Variants in FAM53A observed in about 807,000 individuals in gnomAD.
FAM53A encodes the protein family with sequence similarity 53 member A, also known as protein FAM53A.
A neutral mutation model predicts 26.6 loss-of-function variants in FAM53A; 28 were observed. The ratio of observed to expected loss-of-function variants is 1.05; its 90% CI spans 0.78 to 1.45. The LOEUF is 1.45. Ranked by LOEUF, FAM53A falls within the 40% of genes most tolerant of loss-of-function variation. The pLI is 0.00. For synonymous variants in FAM53A, 290 were observed against 253.1 expected, an observed-to-expected ratio of 1.15 and a Z score of -1.38; for missense variants, 650 against 575.8, an observed-to-expected ratio of 1.13 and a Z score of -1.32.
At chr4:1,582,172 G>A in the FAM53A span, among the ~76,000 whole-genome samples, 56 of 152,342 alleles carry the variant, frequency 3.7e-4, no homozygotes, top group African/African-American at 1.2e-3. Flanking sequence ...GCAAGGAGAC[G>A]CCATTCTCAT....
chr4:1,658,961 G>A (rs2108936209), intron 2 of FAM53A, among the ~76,000 whole-genome samples: 1 of 152,378 alleles, frequency 6.6e-6, no homozygotes, highest in Middle Eastern at 3.4e-3. Flanking sequence ...CCACACCTCA[G>A]AACCTCTCAG....
the FAM53A span, among the ~76,000 whole-genome samples, chr4:1,587,152 T>G: frequency 2.0e-5 from 3 of 152,254 alleles, no homozygotes; most frequent in Admixed American, 1.3e-4. Context: ...CCTCATCAGA[T>G]GGGCAGTTTA....
intron 2 of FAM53A, among the ~76,000 whole-genome samples, chr4:1,666,345 C>T (rs1430881832): frequency 6.9e-5 from 10 of 145,674 alleles, no homozygotes; most frequent in African/African-American, 2.3e-4. Flanking sequence ...CCTGCACCTG[C>T]ACCCCCTGTA....
chr4:1,607,271 G>A, the FAM53A span, among the ~76,000 whole-genome samples: 5 of 151,532 alleles, frequency 3.3e-5, no homozygotes, highest in African/African-American at 4.8e-5. Flanking sequence ...CGCCTGCCTC[G>A]GCCTCCCAAA....
rs1366479606 is a variant in FAM53A, at chr4:1,618,172, C to T, written c.432-61G>A. 4 of 456,160 alleles carry T rather than the reference C, an allele frequency of 8.8e-6. No homozygotes were observed. In the Admixed American group the frequency reaches 9.4e-5, roughly 11 times the overall value. 28.3% of individuals were successfully genotyped at this position (456,160 alleles called of 1,614,324 possible). ...TTGGGGAAGAAGTAGAACCAGAAGA[C>T]AGGGCACGTGCTGCCTCGCAGAGAC... On this transcript the variant is annotated intron_variant, in intron 1 of 1. Coordinates refer to the FAM53A transcript ENST00000489029.
chr4:1,655,237 C>A lies in FAM53A; in HGVS notation c.623G>T (p.Trp208Leu). 1 of 1,515,892 alleles carries A rather than the reference C, an allele frequency of 6.6e-7. No homozygotes were observed. Among genetic ancestry groups the A allele is most frequent in the Non-Finnish European group, 8.8e-7 (1 of 1,142,746 alleles). The allele number at this position is 1,515,892 out of a possible 1,614,324, so 93.9% of individuals were successfully genotyped here. ...SEGSAGSGPLWCSAESCLPST... is the reference protein window; with the variant it reads ...SEGSAGSGPLLCSAESCLPST... ...GGGCAAGCAGGACTCCGCGGAACAC[C>A]AGAGCGGGCCTGAGCCCGCACTGCC... is the stretch of plus-strand genomic sequence containing the variant. The change falls in exon 4 of 5, where the codon TGG becomes TTG. Residue 208 changes from tryptophan (W) to leucine (L), a missense_variant. Physicochemically the swap from Trp to Leu is moderately conservative, Grantham distance 61. Transcript: ENST00000308132.
chr4:1,641,742 C>A (rs1711741331), intron 4 of FAM53A, 135 bp from the exon 5 acceptor site: 2 of 835,538 alleles, frequency 2.4e-6, no homozygotes, highest in Non-Finnish European at 3.9e-6. Flanking sequence ...GGGCCTTGGT[C>A]CCCTGTACAC....
chr4:1,583,118 T>C, the FAM53A span, among the ~76,000 whole-genome samples: 2 of 152,136 alleles, frequency 1.3e-5, no homozygotes, highest in African/African-American at 4.8e-5. Context: ...TCCTGGGAGA[T>C]GGCAAAGGGA....
At chr4:1,664,595 A>G (rs1047897219) in intron 2 of FAM53A, among the ~76,000 whole-genome samples, 4 of 152,256 alleles carry the variant, frequency 2.6e-5, no homozygotes, top group African/African-American at 9.6e-5. Flanking sequence ...TTCAGTTGAC[A>G]TGGGAGAGCT....
At chr4:1,665,411 C>G (rs1258621620) in intron 2 of FAM53A, among the ~76,000 whole-genome samples, 6 of 151,898 alleles carry the variant, frequency 4.0e-5, no homozygotes, top group Non-Finnish European at 8.8e-5. Context: ...ATCGCTTGAG[C>G]CCTGGAAGCG....
At chr4:1,574,753 G>A in the FAM53A span, among the ~76,000 whole-genome samples, 11 of 152,360 alleles carry the variant, frequency 7.2e-5, no homozygotes, top group African/African-American at 2.4e-4. Flanking sequence ...GCCTGGAGCC[G>A]GTGGGTGGGG....
the FAM53A span, among the ~76,000 whole-genome samples, chr4:1,606,832 CTGCTTTCCACTCCCT>C: frequency 6.6e-6 from 1 of 152,250 alleles, no homozygotes; most frequent in Admixed American, 6.5e-5. Flanking sequence ...GTCCCAGCCC[CTGCTTTCCACTCCCT>C]TGGGCCTGTA....
At chr4:1,620,891 G>C (rs1259589014) in intron 1 of FAM53A, among the ~76,000 whole-genome samples, 1 of 152,110 alleles carries the variant, frequency 6.6e-6, no homozygotes. Flanking sequence ...GGCCATGCCA[G>C]GCTGGGATCG....
At chr4:1,606,596 G>A in the FAM53A span, among the ~76,000 whole-genome samples, 29 of 152,302 alleles carry the variant, frequency 1.9e-4, no homozygotes, top group African/African-American at 6.5e-4. Context: ...GTGCATAAAC[G>A]ACTCAATTAT....
chr4:1,594,794 G>A, the FAM53A span, among the ~76,000 whole-genome samples: 2 of 152,202 alleles, frequency 1.3e-5, no homozygotes, highest in Non-Finnish European at 2.9e-5. Context: ...AGTGAGCCGT[G>A]ATGGTGCCAC....
At chr4:1,591,803 A>T in the FAM53A span, among the ~76,000 whole-genome samples, 1 of 152,146 alleles carries the variant, frequency 6.6e-6, no homozygotes, top group Non-Finnish European at 1.5e-5. Context: ...GGGACTCCCC[A>T]GAGGGCCGCA....
In FAM53A at chr4:1,659,655, A is replaced by G. The variant is rs1713683042; in HGVS notation, c.76-2187T>C. On this transcript the variant is annotated intron_variant, in intron 2 of 4. Transcript: ENST00000308132. This position sits in a 1 kb window ranked among gnomAD's most constrained non-coding sequence, Gnocchi z 5.2. ...GGGAGACAGGAAAGGCTGGGCAGCCAGGTCCCACAGGCTCAGGCAGGGGGC... is the reference window on the plus strand; with the variant it reads ...GGGAGACAGGAAAGGCTGGGCAGCCGGGTCCCACAGGCTCAGGCAGGGGGC... 6.6e-6 allele frequency among the ~76,000 whole-genome samples: 1 copy of G among 152,204 alleles called. No individual in the cohort carries two copies. Among genetic ancestry groups the G allele is most frequent in the Non-Finnish European group, 1.5e-5 (1 of 68,032 alleles).
chr4:1,577,958 T>G, the FAM53A span, among the ~76,000 whole-genome samples: 1 of 149,670 alleles, frequency 6.7e-6, no homozygotes, highest in African/African-American at 2.5e-5. Flanking sequence ...GCTGTGGGGG[T>G]GCTGCCCGGG....
chr4:1,675,752 C>T (rs1302858619), intron 1 of FAM53A, among the ~76,000 whole-genome samples: 1 of 152,208 alleles, frequency 6.6e-6, no homozygotes, highest in East Asian at 1.9e-4. Flanking sequence ...GAAACAGCCT[C>T]CTCAGCCCTT....
Sources: gnomAD v4.1 joint callset for allele counts (sites outside exome capture counted in the v4.1 genomes callset) on GRCh38, gnomAD v4.1.1 for gene constraint, Gnocchi (gnomAD v3.1) non-coding constraint, MANE v1.5 for transcripts, NCBI Gene and HGNC (gene_info 2026-07-23, HGNC 2026-07-21) for gene names.